Variants in RPS6KC1 observed in about 807,000 individuals in gnomAD.
RPS6KC1 encodes inactive ribosomal protein S6 kinase delta-1.
Under a neutral mutation model 103.8 loss-of-function variants are expected in RPS6KC1, and 54 were observed. The observed-to-expected ratio is 0.52, with a 90% confidence interval of 0.42 to 0.65. The LOEUF (loss-of-function observed/expected upper bound fraction) is 0.65, where lower values mean the gene tolerates loss of function less well. Ranked by LOEUF, RPS6KC1 falls within the 30% of genes least tolerant of loss-of-function variation. The pLI is 0.00. For missense variants in RPS6KC1, 1,151 were observed against 1,253.8 expected (o/e 0.92, Z 1.24); for synonymous variants, 439 against 438.7 (o/e 1.00, Z -0.01).
chr1:213,535,096 G>A, the RPS6KC1 span, among the ~76,000 whole-genome samples: 40 of 152,344 alleles, frequency 2.6e-4, no homozygotes, highest in African/African-American at 9.6e-4. Context: ...ATCAGCTTAG[G>A]TCAAGCAGGC....
the RPS6KC1 span, among the ~76,000 whole-genome samples, chr1:213,566,461 T>TGGATA: frequency 2.5e-4 from 9 of 35,996 alleles, no homozygotes; most frequent in African/African-American, 1.2e-3. Context: ...TTTTTTTTTT[T>TGGATA]TTTTTTTTTT....
chr1:213,860,154 T>C, the RPS6KC1 span, among the ~76,000 whole-genome samples: 1 of 150,954 alleles, frequency 6.6e-6, no homozygotes, highest in Admixed American at 6.6e-5. Context: ...TCTGAATATA[T>C]ATAGGTGTAT....
At chr1:213,763,152 C>G in the RPS6KC1 span, among the ~76,000 whole-genome samples, 5 of 152,166 alleles carry the variant, frequency 3.3e-5, no homozygotes, top group African/African-American at 1.2e-4. Context: ...GGCCACTGAG[C>G]CTGGCCTTAA....
At chr1:213,568,397 AG>A in the RPS6KC1 span, among the ~76,000 whole-genome samples, 1 of 152,242 alleles carries the variant, frequency 6.6e-6, no homozygotes, top group African/African-American at 2.4e-5. Context: ...GATGAAAGGA[AG>A]GGGGCTTAAT....
chr1:213,781,964 A>G, the RPS6KC1 span, among the ~76,000 whole-genome samples: 1 of 152,176 alleles, frequency 6.6e-6, no homozygotes, highest in African/African-American at 2.4e-5. Flanking sequence ...TACACAGGTT[A>G]GAACAGCTGT....
At chr1:213,541,515 C>T in the RPS6KC1 span, among the ~76,000 whole-genome samples, 1 of 151,934 alleles carries the variant, frequency 6.6e-6, no homozygotes, top group East Asian at 1.9e-4. Flanking sequence ...GTCTGCAAAG[C>T]ATAAAAATGT....
the RPS6KC1 span, among the ~76,000 whole-genome samples, chr1:213,793,560 CG>C: frequency 1.3e-5 from 2 of 152,182 alleles, no homozygotes; most frequent in African/African-American, 4.8e-5. Context: ...CATTAGGCAC[CG>C]AGCTGCCCAT....
chr1:213,155,197 T>C (rs575234973), intron 6 of RPS6KC1, among the ~76,000 whole-genome samples: 1 of 152,148 alleles, frequency 6.6e-6, no homozygotes, highest in Non-Finnish European at 1.5e-5. Flanking sequence ...TTTGGAGCTA[T>C]GAGCTGTGCA....
chr1:213,713,045 G>A, the RPS6KC1 span, among the ~76,000 whole-genome samples: 1 of 152,000 alleles, frequency 6.6e-6, no homozygotes, highest in South Asian at 2.1e-4. Flanking sequence ...TTGTGGTGGG[G>A]GTGGGCCCAG....
intron 6 of RPS6KC1, among the ~76,000 whole-genome samples, chr1:213,153,246 G>A: frequency 6.8e-6 from 1 of 146,926 alleles, no homozygotes; most frequent in Admixed American, 6.7e-5. Flanking sequence ...AGACCGTGGG[G>A]AGAGGGAGAG....
At chr1:213,112,007 T>C (rs1272777493) in intron 4 of RPS6KC1, among the ~76,000 whole-genome samples, 2 of 152,180 alleles carry the variant, frequency 1.3e-5, no homozygotes, top group Non-Finnish European at 2.9e-5. Context: ...CACATAACAC[T>C]AAGGGAAGTA....
chr1:213,073,736 C>T (rs983258947), intron 2 of RPS6KC1, among the ~76,000 whole-genome samples: 3 of 152,058 alleles, frequency 2.0e-5, no homozygotes, highest in Non-Finnish European at 4.4e-5. Context: ...AGTGCAGTGG[C>T]ATGATCTTGG....
the RPS6KC1 span, among the ~76,000 whole-genome samples, chr1:213,567,040 C>T: frequency 6.6e-6 from 1 of 152,102 alleles, no homozygotes; most frequent in African/African-American, 2.4e-5. Flanking sequence ...CATTATTTCC[C>T]TTCAGAGAAA....
At position 213,167,916 on chromosome 1, in the gene RPS6KC1, GCGGGCAGAAAGTATCT is replaced by G; in HGVS notation, c.896_911del (p.Arg299LeufsTer19). The G allele has an allele frequency of 6.2e-7, 1 of 1,613,844 alleles. No homozygotes were observed. The highest frequency in any genetic ancestry group is 8.5e-7 in the Non-Finnish European group (1 of 1,179,892). On this transcript the variant is annotated frameshift_variant, in exon 7 of 15. Coordinates refer to ENST00000366960, the MANE Select transcript of RPS6KC1 (RefSeq NM_012424.6). LOFTEE classifies it high-confidence loss of function. ...AGAGAAGAACAGCCGAGTACCTCAT[GCGGGCAGAAAGTATCT>G]CTAGTCTTTATGGGAAACCTCAGCT... is the stretch of plus-strand genomic sequence containing the variant.
chr1:213,211,214 A>G (rs1168490247), intron 8 of RPS6KC1, among the ~76,000 whole-genome samples: 2 of 152,258 alleles, frequency 1.3e-5, no homozygotes, highest in African/African-American at 4.8e-5. Context: ...AATTCAAACT[A>G]GAAAAATAGA....
chr1:213,125,515 C>A (rs952483180), intron 5 of RPS6KC1, among the ~76,000 whole-genome samples: 1 of 151,668 alleles, frequency 6.6e-6, no homozygotes, highest in Non-Finnish European at 1.5e-5. Flanking sequence ...AGCAATTTTG[C>A]GCTTTTGATA....
chr1:213,394,692 A>G, the RPS6KC1 span, among the ~76,000 whole-genome samples: 1 of 152,192 alleles, frequency 6.6e-6, no homozygotes, highest in African/African-American at 2.4e-5. Context: ...TTGGATGAAC[A>G]TCACAGGGGG....
the RPS6KC1 span, among the ~76,000 whole-genome samples, chr1:213,429,950 T>A: frequency 6.6e-6 from 1 of 152,168 alleles, no homozygotes; most frequent in South Asian, 2.1e-4. Context: ...GAAATTGGAG[T>A]TCAACAGGAA....
the RPS6KC1 span, among the ~76,000 whole-genome samples, chr1:213,809,041 C>G: frequency 1.3e-5 from 2 of 152,208 alleles, no homozygotes; most frequent in Non-Finnish European, 2.9e-5. Context: ...GTGCAAGAGA[C>G]TTAGCTTTTG....
Sources: allele counts gnomAD v4.1 joint callset (sites outside exome capture counted in the v4.1 genomes callset), GRCh38; gene constraint gnomAD v4.1.1; transcripts MANE v1.5; gene names NCBI Gene and HGNC (gene_info 2026-07-23, HGNC 2026-07-21).